HDHD5: variants seen among roughly 807,000 people sequenced by gnomAD.
The protein encoded by HDHD5 is haloacid dehalogenase like hydrolase domain containing 5, also known as haloacid dehalogenase-like hydrolase domain-containing 5.
HDHD5 carries 34 observed loss-of-function variants against 35.5 expected under a neutral mutation model. That is an observed-to-expected ratio of 0.96 (90% CI 0.73 to 1.28). HDHD5 has a LOEUF of 1.28. Ranked by LOEUF, HDHD5 falls within the 50% of genes most tolerant of loss-of-function variation. The pLI, the probability that HDHD5 is intolerant of heterozygous loss-of-function variation, is 0.00. For synonymous variants in HDHD5, 248 were observed against 240.6 expected (o/e 1.03, Z -0.29); for missense variants, 589 against 560.2 (o/e 1.05, Z -0.52).
At chr22:17,138,417 C>T in intron 7 of HDHD5, 60 bp from the exon 8 acceptor site, 2 of 1,570,796 alleles carry the variant, frequency 1.3e-6, no homozygotes, top group Non-Finnish European at 1.7e-6. Context: ...ATCAATGTTG[C>T]AAAGCAAAGG....
upstream of HDHD5, among the ~76,000 whole-genome samples, chr22:17,163,816 A>G (rs1050111202): frequency 4.6e-5 from 7 of 152,332 alleles, no homozygotes; most frequent in African/African-American, 1.7e-4. Context: ...CACGTGTACA[A>G]GCTCGATGCC....
chr22:17,154,829 C>G (rs1278333541), intron 1 of HDHD5, among the ~76,000 whole-genome samples: 1 of 150,948 alleles, frequency 6.6e-6, no homozygotes, highest in Non-Finnish European at 1.5e-5. Context: ...CAGGGTCTCC[C>G]TATGTTGCCC....
At chr22:17,156,461 A>AAT (rs35824630) in intron 1 of HDHD5, among the ~76,000 whole-genome samples, 9,819 of 151,978 alleles carry the variant, frequency 0.065, 444 homozygotes, top group South Asian at 0.18. Context: ...AGATACAAAA[A>AAT]ATTAGCCGGG....
Position 17,137,859 on chromosome 22 carries a change from A to T in HDHD5, c.*162T>A. Reference sequence around the variant, plus strand: ...TGCTACCCAGCAGGGAAAAAGAGTCACTGTCTTCTTCCAAGTGACCAGTAA... The same window carrying T: ...TGCTACCCAGCAGGGAAAAAGAGTCTCTGTCTTCTTCCAAGTGACCAGTAA... On this transcript the variant is annotated 3_prime_UTR_variant, in exon 8 of 8. Coordinates refer to ENST00000336737, the MANE Select transcript of HDHD5 (RefSeq NM_033070.3). 1 of 610,734 alleles carries T rather than the reference A, an allele frequency of 1.6e-6. No homozygotes were observed. The highest frequency in any genetic ancestry group is 2.9e-6 in the Non-Finnish European group (1 of 349,134). The allele number at this position is 610,734 out of a possible 1,614,324, so 37.8% of individuals were successfully genotyped here.
intron 3 of HDHD5, among the ~76,000 whole-genome samples, chr22:17,146,676 C>T (rs1601388279): frequency 9.2e-5 from 1 of 10,826 alleles, no homozygotes. Flanking sequence ...ACCTGTGACG[C>T]CCTCCTGTGA....
chr22:17,145,546 A>T (rs1186088044), intron 3 of HDHD5, among the ~76,000 whole-genome samples: 4 of 152,090 alleles, frequency 2.6e-5, no homozygotes, highest in Non-Finnish European at 5.9e-5. Context: ...CTACAAATAA[A>T]GTCAGCTAGG....
intron 3 of HDHD5, among the ~76,000 whole-genome samples, chr22:17,146,472 C>T (rs1265096659): frequency 5.4e-5 from 8 of 148,054 alleles, no homozygotes; most frequent in Non-Finnish European, 7.5e-5. Context: ...CCATCGCACA[C>T]GCTCCACACC....
intron 1 of HDHD5, among the ~76,000 whole-genome samples, chr22:17,154,878 A>G (rs1216003658): frequency 6.6e-6 from 1 of 151,346 alleles, no homozygotes; most frequent in African/African-American, 2.4e-5. Context: ...TAATCCTTCC[A>G]ACTCCCAAAG....
At chr22:17,158,984 G>T in intron 1 of HDHD5, 142 bp downstream of exon 1, 1 of 745,152 alleles carries the variant, frequency 1.3e-6, no homozygotes, top group Non-Finnish European at 1.8e-6. Flanking sequence ...GCAAGAACGC[G>T]ATGCACTCGG....
chr22:17,159,623 C>T (rs1353603624), upstream of HDHD5: 2 of 399,840 alleles, frequency 5.0e-6, no homozygotes, highest in Non-Finnish European at 9.8e-6. Context: ...GGGTCTCAAC[C>T]TTGACTTCAG....
upstream of HDHD5, among the ~76,000 whole-genome samples, chr22:17,160,185 G>C (rs2061853385): frequency 2.6e-5 from 4 of 152,132 alleles, no homozygotes; most frequent in South Asian, 8.3e-4. Context: ...AGCAGAGAGG[G>C]AGTCGAGGAT....
At chr22:17,161,941 G>A (rs530764158), upstream of HDHD5, among the ~76,000 whole-genome samples, 1 of 152,018 alleles carries the variant, frequency 6.6e-6, no homozygotes, top group African/African-American at 2.4e-5. Context: ...AGTGTGGGCT[G>A]GACTTCACTG....
intron 1 of HDHD5, 105 bp downstream of exon 1, chr22:17,159,021 A>T: frequency 9.6e-7 from 1 of 1,043,556 alleles, no homozygotes. Context: ...GGCAGTTCCC[A>T]GGAGGCTGGG....
Position 17,159,128 on chromosome 22 carries a change from G to C in HDHD5, c.124C>G (p.Gln42Glu). Residue 42 changes from glutamine (Q) to glutamate (E), a missense_variant and splice_region_variant, in exon 1 of 8, where the codon CAG becomes GAG. Gln to Glu is a conservative substitution (Grantham distance 29). Coordinates refer to ENST00000336737, the MANE Select transcript of HDHD5 (RefSeq NM_033070.3). ...ARRCYAVGPA[Q>E]SPPTFGFLLD... ...GGCCAGAACCCGGACGTCCTCACCT[G>C]AGCGGGGCCCACAGCATAGCACCTG... 8.1e-7 allele frequency: 1 copy of C among 1,238,814 alleles called. No individual in the cohort carries two copies. Among genetic ancestry groups the C allele is most frequent in the Non-Finnish European group, 1.0e-6 (1 of 989,598 alleles). 76.7% of individuals were successfully genotyped at this position (1,238,814 alleles called of 1,614,324 possible). A position where few individuals can be genotyped will look rare whatever the true frequency, so the allele number is the denominator to read the frequency against.
Position 17,159,173 on chromosome 22 carries a change from GC to G in HDHD5, c.78del (p.Leu27SerfsTer37). The G allele has an allele frequency of 8.2e-7, 1 of 1,218,666 alleles. No individual in the cohort carries two copies. The allele number at this position is 1,218,666 out of a possible 1,614,324, so 75.5% of individuals were successfully genotyped here. A position where few individuals can be genotyped will look rare whatever the true frequency, so the allele number is the denominator to read the frequency against. ...LCWRAARAAA[G>X]LQGRPARRCY... ...CACCTGCGGGCGGGGCGGCCCTGGAGCCCCGCAGCCGCGCGCGCCGCCCGCC... is the reference window on the plus strand; with the variant it reads ...CACCTGCGGGCGGGGCGGCCCTGGAGCCCGCAGCCGCGCGCGCCGCCCGCC... On this transcript the variant is annotated frameshift_variant, in exon 1 of 8. Transcript: ENST00000336737. LOFTEE classifies it high-confidence loss of function.
chr22:17,142,077 T>A (rs1479842630), intron 5 of HDHD5: 1 of 152,128 alleles, frequency 6.6e-6, no homozygotes, highest in Non-Finnish European at 1.5e-5. Flanking sequence ...AATTAATTTT[T>A]AAAAAAACCA....
Position 17,149,722 on chromosome 22 carries a change from C to A in HDHD5, c.150G>T (p.Leu50=). The change falls in exon 2 of 8, where the codon CTG becomes CTT. Residue 50 remains leucine, a synonymous_variant. Transcript: ENST00000336737. ...PAQSPPTFGF[L]LDIDGVLVRG... Reference sequence around the variant, plus strand: ...GCACAAGCACTCCATCGATGTCCAACAGGAACCCAAAGGTGGGTGGGCTCT... The same window carrying A: ...GCACAAGCACTCCATCGATGTCCAAAAGGAACCCAAAGGTGGGTGGGCTCT... 1 of 1,614,108 alleles carries A rather than the reference C, an allele frequency of 6.2e-7. No individual in the cohort carries two copies. The highest frequency in any genetic ancestry group is 8.5e-7 in the Non-Finnish European group (1 of 1,180,032).
upstream of HDHD5, among the ~76,000 whole-genome samples, chr22:17,161,872 C>CA (rs34979091): frequency 3.5e-3 from 296 of 85,316 alleles, no homozygotes; most frequent in Admixed American, 4.4e-3. Flanking sequence ...GACTCTGTCT[C>CA]AAAAAAAAAA....
At chr22:17,149,128 C>T (rs2061697537) in intron 2 of HDHD5, among the ~76,000 whole-genome samples, 1 of 152,138 alleles carries the variant, frequency 6.6e-6, no homozygotes, top group Non-Finnish European at 1.5e-5. Flanking sequence ...GGACTCTTTC[C>T]AAAAGCTGAA....
Sources: allele counts gnomAD v4.1 joint callset (sites outside exome capture counted in the v4.1 genomes callset), GRCh38; gene constraint gnomAD v4.1.1; transcripts MANE v1.5; gene names NCBI Gene and HGNC (gene_info 2026-07-23, HGNC 2026-07-21).